The following BMP4 variants were observed in gnomAD, a reference collection of about 807,000 sequenced individuals.
BMP4 encodes bone morphogenetic protein 4.
A neutral mutation model predicts 29.6 loss-of-function variants in BMP4; 3 were observed. The ratio of observed to expected loss-of-function variants is 0.10; its 90% CI spans 0.05 to 0.26. The LOEUF (loss-of-function observed/expected upper bound fraction) is 0.26, where lower values mean the gene tolerates loss of function less well. Ranked by LOEUF, BMP4 falls within the 10% of genes least tolerant of loss-of-function variation. The pLI is 1.00. For synonymous variants in BMP4, 197 were observed against 213.2 expected (o/e 0.92, Z 0.66); for missense variants, 455 against 550.2 (o/e 0.83, Z 1.73).
chr14:53,956,553 A>C lies in BMP4; in HGVS notation c.-136T>G, dbSNP rs1465247445. On this transcript the variant is annotated 5_prime_UTR_variant, in exon 1 of 4. Coordinates refer to ENST00000245451, the MANE Select transcript of BMP4 (RefSeq NM_001202.6). ...CTCACCAGGTAGCCTTGCTCACCATAGGTCCCTGCAGTAGCGGGCTCGCCA... is the reference window on the plus strand; with the variant it reads ...CTCACCAGGTAGCCTTGCTCACCATCGGTCCCTGCAGTAGCGGGCTCGCCA... The C allele has an allele frequency of 7.5e-6, 3 of 399,234 alleles. No homozygotes were observed. The highest frequency in any genetic ancestry group is 1.3e-5 in the Non-Finnish European group (3 of 226,390). 24.7% of individuals were successfully genotyped at this position (399,234 alleles called of 1,614,324 possible). A position where few individuals can be genotyped will look rare whatever the true frequency, so the allele number is the denominator to read the frequency against.
chr14:53,950,499 T>C lies in BMP4; in HGVS notation c.760A>G (p.Ile254Val). 1 of 1,614,186 alleles carries C rather than the reference T, an allele frequency of 6.2e-7. No individual in the cohort carries two copies. Among genetic ancestry groups the C allele is most frequent in the South Asian group, 1.1e-5 (1 of 91,092 alleles). Residue 254 changes from isoleucine (I) to valine (V), a missense_variant, in exon 4 of 4, where the codon ATT (isoleucine) becomes GTT (valine). Ile to Val is a conservative substitution (Grantham distance 29). Transcript: ENST00000245451. The surrounding 1 kb of genome is among the most constrained non-coding windows in gnomAD (Gnocchi z 5.4). Reference protein sequence around the residue: ...TRTHQGQHVRISRSLPQGSGN... With the variant: ...TRTHQGQHVRVSRSLPQGSGN... ...CTCCCTTGAGGTAACGATCGGCTAA[T>C]CCTGACATGCTGGCCCTGGTGGGTC...
rs1594793359 is a variant in BMP4 at position 53,950,942 on chromosome 14, A to C, written c.371-54T>G. 6.3e-6 allele frequency: 10 copies of C among 1,595,082 alleles called. 1 individual carries two copies. The South Asian group carries it at 1.1e-4, about 18-fold the overall frequency. On this transcript the variant is annotated intron_variant, in intron 3 of 3. Transcript: ENST00000245451. This position sits in a 1 kb window ranked among gnomAD's most constrained non-coding sequence, Gnocchi z 5.4. ...AGAAAAAGCATATGAACTTTTTTCAAAGATGGAAGAGTCAAGAGATAGCTC... is the reference window on the plus strand; with the variant it reads ...AGAAAAAGCATATGAACTTTTTTCACAGATGGAAGAGTCAAGAGATAGCTC...
At chr14:53,953,046 G>T (rs537737471) in intron 2 of BMP4, among the ~76,000 whole-genome samples, 58 of 152,240 alleles carry the variant, frequency 3.8e-4, no homozygotes, top group Non-Finnish European at 6.9e-4. Flanking sequence ...GCTCCCTCGC[G>T]CTCCCCTTTC....
At chr14:53,952,352 T>C in intron 2 of BMP4, 123 bp from the exon 3 acceptor site, 3 of 1,221,396 alleles carry the variant, frequency 2.5e-6, no homozygotes, top group Non-Finnish European at 3.4e-6. Flanking sequence ...GGAAAGCAGG[T>C]CAGAAAGATC....
At chr14:53,951,650 C>T (rs1392519313) in intron 3 of BMP4, 2 of 777,502 alleles carry the variant, frequency 2.6e-6, no homozygotes, top group Non-Finnish European at 4.1e-6. Context: ...TGTCATTCCC[C>T]TTCCCCTGAA....
chr14:53,951,681 A>G, intron 3 of BMP4, 172 bp downstream of exon 3: 1 of 1,085,732 alleles, frequency 9.2e-7, no homozygotes, highest in Non-Finnish European at 1.3e-6. Context: ...TCTGTCTCCA[A>G]AAAATAAGTT....
intron 3 of BMP4, 132 bp from the exon 4 acceptor site, chr14:53,951,020 G>C: frequency 3.1e-6 from 4 of 1,271,806 alleles, no homozygotes; most frequent in Non-Finnish European, 4.5e-6. Flanking sequence ...ACCTACTGGG[G>C]GAAAATAAGC....
At chr14:53,953,818 G>C (rs74422939) in intron 1 of BMP4, among the ~76,000 whole-genome samples, 2,901 of 152,168 alleles carry the variant, frequency 0.019, 82 homozygotes, top group African/African-American at 0.066. Context: ...CCCGGCTTAA[G>C]TGGGGCCGGG....
chr14:53,953,184 A>G, intron 2 of BMP4, 92 bp downstream of exon 2: 1 of 390,202 alleles, frequency 2.6e-6, no homozygotes, highest in Non-Finnish European at 4.5e-6. Context: ...TGGATATTGT[A>G]AAGGAGGTCC....
In BMP4 at chr14:53,951,796, G is replaced by A. The variant is rs374418188; in HGVS notation, c.370+57C>T. ...ACTCTTCTTCCCCAGGGCTTTCACT[G>A]CCCCTCTAGCCAGTCCCACCAGCCC... On this transcript the variant is annotated intron_variant, in intron 3 of 3. Coordinates refer to ENST00000245451, the MANE Select transcript of BMP4 (RefSeq NM_001202.6). 3.8e-6 allele frequency: 6 copies of A among 1,581,116 alleles called. No individual in the cohort carries two copies. The East Asian group carries it at 6.7e-5, about 18-fold the overall frequency.
intron 1 of BMP4, among the ~76,000 whole-genome samples, chr14:53,953,701 G>T (rs1895578729): frequency 6.6e-6 from 1 of 152,002 alleles, no homozygotes; most frequent in African/African-American, 2.4e-5. Context: ...CGCAGCGCAC[G>T]GAGAACCCGG....
Position 53,949,755 on chromosome 14 carries a change from C to G in BMP4, c.*277G>C. ...TCATGATTTACCTTTAAAATAATGA[C>G]TCATTTTATTTTTTTCTTTTAATAC... is the stretch of plus-strand genomic sequence containing the variant. On this transcript the variant is annotated 3_prime_UTR_variant, in exon 4 of 4. Coordinates refer to ENST00000245451, the MANE Select transcript of BMP4 (RefSeq NM_001202.6). 1 of 333,956 alleles carries G rather than the reference C, an allele frequency of 3.0e-6. No individual in the cohort carries two copies. Among genetic ancestry groups the G allele is most frequent in the Non-Finnish European group, 5.4e-6 (1 of 183,700 alleles). The allele number at this position is 333,956 out of a possible 1,614,324, so 20.7% of individuals were successfully genotyped here.
At chr14:53,952,501 C>A (rs1895497061) in intron 2 of BMP4, among the ~76,000 whole-genome samples, 1 of 151,992 alleles carries the variant, frequency 6.6e-6, no homozygotes, top group African/African-American at 2.4e-5. Flanking sequence ...AGCCTCCATC[C>A]TGTTAATCTT....
Position 53,951,862 on chromosome 14 carries a change from G to A in BMP4, c.361C>T (p.His121Tyr), listed in dbSNP as rs754308298. 3 of 1,599,562 alleles carry A rather than the reference G, an allele frequency of 1.9e-6. No individual in the cohort carries two copies. The African/African-American group carries it at 4.0e-5, about 21-fold the overall frequency. Reference sequence around the variant, plus strand: ...GGGGGAAGAGACTGACCTTCGTGGTGGAAGCTCCTCACGGTGTTGGCCCGG... The same window carrying A: ...GGGGGAAGAGACTGACCTTCGTGGTAGAAGCTCCTCACGGTGTTGGCCCGG... ...ASRANTVRSFHHEEHLENIPG... is the reference protein window; with the variant it reads ...ASRANTVRSFYHEEHLENIPG... The change falls in exon 3 of 4, where the codon CAC becomes TAC. Residue 121 changes from histidine to tyrosine, a missense_variant. Physicochemically the swap from His to Tyr is moderately conservative, Grantham distance 83. Transcript: ENST00000245451.
Position 53,950,442 on chromosome 14 carries a change from C to T in BMP4, c.817G>A (p.Val273Ile), listed in dbSNP as rs775995114. 6 of 1,613,930 alleles carry T rather than the reference C, an allele frequency of 3.7e-6. No homozygotes were observed. Among genetic ancestry groups the T allele is most frequent in the South Asian group, 3.3e-5 (3 of 91,092 alleles). Reference sequence around the variant, plus strand: ...CCCCGGCCATCATGGCCAAAGGTGACCAGGAGGGGCCGGAGCTGGGCCCAA... The same window carrying T: ...CCCCGGCCATCATGGCCAAAGGTGATCAGGAGGGGCCGGAGCTGGGCCCAA... The part of the protein sequence containing the change: ...GNWAQLRPLL[V>I]TFGHDGRGHA... Residue 273 changes from valine to isoleucine, a missense_variant, in exon 4 of 4, where the codon GTC becomes ATC. Val to Ile is a conservative substitution (Grantham distance 29). Transcript: ENST00000245451. This position sits in a 1 kb window ranked among gnomAD's most constrained non-coding sequence, Gnocchi z 5.4.
rs759932064 is a variant in BMP4 at position 53,950,425 on chromosome 14, A to G, written c.834T>C (p.Asp278=). The change falls in exon 4 of 4, where the codon GAT becomes GAC. Residue 278 remains aspartate, a synonymous_variant. Transcript: ENST00000245451. The surrounding 1 kb of genome is among the most constrained non-coding windows in gnomAD (Gnocchi z 5.4). ...LRPLLVTFGH[D]GRGHALTRRR... Reference sequence around the variant, plus strand: ...GTCGGGTCAAGGCATGGCCCCGGCCATCATGGCCAAAGGTGACCAGGAGGG... The same window carrying G: ...GTCGGGTCAAGGCATGGCCCCGGCCGTCATGGCCAAAGGTGACCAGGAGGG... 6.2e-7 allele frequency: 1 copy of G among 1,613,962 alleles called. No homozygotes were observed. The highest frequency in any genetic ancestry group is 1.1e-5 in the South Asian group (1 of 91,086).
chr14:53,952,125 T>C lies in BMP4; in HGVS notation c.98A>G (p.Lys33Arg). The C allele has an allele frequency of 6.2e-7, 1 of 1,613,702 alleles. No individual in the cohort carries two copies. The highest frequency in any genetic ancestry group is 8.5e-7 in the Non-Finnish European group (1 of 1,179,612). Residue 33 changes from lysine to arginine, a missense_variant, in exon 3 of 4, where the codon AAA becomes AGA. By Grantham distance (26) the Lys-to-Arg change is conservative. Coordinates refer to ENST00000245451, the MANE Select transcript of BMP4 (RefSeq NM_001202.6). ...HASLIPETGK[K>R]KVAEIQGHAG... ...GTGGCCCTGAATCTCGGCGACTTTTTTCTTCCCCGTCTCAGGTATCAAACT... is the reference window on the plus strand; with the variant it reads ...GTGGCCCTGAATCTCGGCGACTTTTCTCTTCCCCGTCTCAGGTATCAAACT...
At chr14:53,951,611 A>C (rs1272195657) in intron 3 of BMP4, 1 of 557,948 alleles carries the variant, frequency 1.8e-6, no homozygotes, top group Non-Finnish European at 3.1e-6. Flanking sequence ...GCAAAAACAC[A>C]CCGCTGGGGC....
intron 2 of BMP4, among the ~76,000 whole-genome samples, chr14:53,953,005 C>T (rs1347050114): frequency 6.6e-6 from 1 of 152,132 alleles, no homozygotes; most frequent in East Asian, 1.9e-4. Context: ...GGTTAGCCCT[C>T]AAGGTACAAC....
Sources: gnomAD v4.1 joint callset for allele counts (sites outside exome capture counted in the v4.1 genomes callset) on GRCh38, gnomAD v4.1.1 for gene constraint, Gnocchi (gnomAD v3.1) non-coding constraint, MANE v1.5 for transcripts, NCBI Gene and HGNC (gene_info 2026-07-23, HGNC 2026-07-21) for gene names.